CENPS: variants seen among roughly 807,000 people sequenced by gnomAD.
CENPS encodes centromere protein S.
In CENPS, 16 loss-of-function variants were observed where a neutral mutation model predicts 17.9. The observed-to-expected ratio is 0.90, with a 90% CI of 0.61 to 1.36. The LOEUF (loss-of-function observed/expected upper bound fraction) is 1.36. Among genes scored for constraint, CENPS ranks in the 40% most tolerant of loss-of-function variants. The pLI is 0.00. For missense variants in CENPS, 160 were observed against 158.6 expected, an observed-to-expected ratio of 1.01 and a Z score of -0.05; for synonymous variants, 49 against 55.8, an observed-to-expected ratio of 0.88 and a Z score of 0.54.
Position 10,430,491 on chromosome 1 carries a change from G to A in CENPS, c.-27G>A, listed in dbSNP as rs746721788. 22 of 1,536,024 alleles carry A rather than the reference G, an allele frequency of 1.4e-5. No individual in the cohort carries two copies. In the African/African-American group the frequency reaches 3.0e-4, roughly 21 times the overall value. Reference sequence around the variant, plus strand: ...ACCACCGCCCCTTCTCGGCCCTCCTGCGTTTGCCCAGGGTCGGCCCGCAGT... The same window carrying A: ...ACCACCGCCCCTTCTCGGCCCTCCTACGTTTGCCCAGGGTCGGCCCGCAGT... On this transcript the variant is annotated 5_prime_UTR_variant, in exon 1 of 5. Coordinates refer to ENST00000309048, the MANE Select transcript of CENPS (RefSeq NM_199294.3).
intron 1 of CENPS, 72 bp from the exon 2 acceptor site, chr1:10,433,770 C>A (rs1458913415): frequency 3.1e-6 from 5 of 1,601,394 alleles, no homozygotes; most frequent in Non-Finnish European, 4.3e-6. Context: ...TCTCCTTGGT[C>A]TTCATTTTTT....
intron 3 of CENPS, among the ~76,000 whole-genome samples, chr1:10,437,060 A>C (rs1484893719): frequency 6.6e-6 from 1 of 152,252 alleles, no homozygotes; most frequent in Non-Finnish European, 1.5e-5. Context: ...GACTGTTTCA[A>C]GTCAACTATA....
chr1:10,437,475 T>TTTTTTTTTTTTGTTTTG (rs71583869), intron 3 of CENPS, among the ~76,000 whole-genome samples: 4 of 145,966 alleles, frequency 2.7e-5, no homozygotes, highest in Non-Finnish European at 6.0e-5. Context: ...TTTTTGTTTT[T>TTTTTTTTTTTTGTTTTG]AGATGGAGTC....
At chr1:10,441,873 C>T (rs1161473472) in intron 4 of CENPS, among the ~76,000 whole-genome samples, 2 of 151,960 alleles carry the variant, frequency 1.3e-5, no homozygotes, top group African/African-American at 4.8e-5. Flanking sequence ...GATCTGTCTG[C>T]CTCAGCCTCC....
At chr1:10,431,778 C>T (rs933591027) in intron 1 of CENPS, among the ~76,000 whole-genome samples, 2 of 147,210 alleles carry the variant, frequency 1.4e-5, no homozygotes, top group East Asian at 2.0e-4. Context: ...CGCTTGAACC[C>T]GGGAGGCGGA....
At chr1:10,435,420 G>A (rs560479205) in intron 3 of CENPS, among the ~76,000 whole-genome samples, 5 of 151,904 alleles carry the variant, frequency 3.3e-5, no homozygotes, top group African/African-American at 7.2e-5. Flanking sequence ...TCTCGGGTGC[G>A]TGTTTTGAAT....
chr1:10,431,373 C>G, intron 1 of CENPS: 1 of 1,535,348 alleles, frequency 6.5e-7, no homozygotes, highest in Non-Finnish European at 8.7e-7. Context: ...TTGAGAAGTT[C>G]AAACCTTCAG....
intron 1 of CENPS, 182 bp downstream of exon 1, chr1:10,430,750 G>A (rs1639868818): frequency 1.5e-5 from 21 of 1,401,288 alleles, no homozygotes; most frequent in Non-Finnish European, 1.9e-5. Flanking sequence ...CCGCGGCAAC[G>A]CGGCTGGACC....
chr1:10,433,155 C>T (rs558982738), intron 1 of CENPS, among the ~76,000 whole-genome samples: 7 of 152,274 alleles, frequency 4.6e-5, no homozygotes, highest in East Asian at 3.9e-4. Context: ...TCTGTCGACA[C>T]GTGGCTGAGA....
chr1:10,440,540 T>C, intron 4 of CENPS, 127 bp downstream of exon 4: 1 of 1,235,906 alleles, frequency 8.1e-7, no homozygotes, highest in Non-Finnish European at 1.1e-6. Context: ...GGCTGAACCA[T>C]TCAGACCTGC....
In CENPS at chr1:10,440,398, G is replaced by A. The variant is rs202033280; in HGVS notation, c.261G>A (p.Arg87=). ...INTEDVKLLA[R]RSNSLLKYIT... The stretch of plus-strand genomic sequence containing the variant: ...CTGAAGATGTGAAGCTCTTAGCCAG[G>A]AGGAGTAATTCACTGGTGAGAGATG... The change falls in exon 4 of 5, where the codon AGG becomes AGA. Residue 87 remains arginine (R), a synonymous_variant. Transcript: ENST00000309048. 8.1e-6 allele frequency: 13 copies of A among 1,613,970 alleles called. No homozygotes were observed. Among genetic ancestry groups the A allele is most frequent in the Non-Finnish European group, 1.1e-5 (13 of 1,180,002 alleles).
chr1:10,441,340 G>A (rs1460210225), intron 4 of CENPS, among the ~76,000 whole-genome samples: 6 of 125,174 alleles, frequency 4.8e-5, no homozygotes, highest in East Asian at 2.4e-4. Context: ...TTTTTTTGAC[G>A]GGGTCTCACT....
In CENPS at chr1:10,435,716, TACACAC is replaced by T. The variant is rs60607643; in HGVS notation, c.209+1042_209+1047del. 3.5e-5 allele frequency among the ~76,000 whole-genome samples: 5 copies of T among 142,668 alleles called. No homozygotes were observed. The East Asian group carries it at 8.2e-4, about 23-fold the overall frequency. 93.6% of individuals were successfully genotyped at this position (142,668 alleles called of 152,430 possible). On this transcript the variant is annotated intron_variant, in intron 3 of 4. Coordinates refer to ENST00000309048, the MANE Select transcript of CENPS (RefSeq NM_199294.3). ...TACTTAAAAATAATATATATATATA[TACACAC>T]ACACACACACACACATATACATAAA...
chr1:10,432,645 G>A (rs1255502221), intron 1 of CENPS, among the ~76,000 whole-genome samples: 1 of 152,102 alleles, frequency 6.6e-6, no homozygotes, highest in Non-Finnish European at 1.5e-5. Context: ...AGGGGAGGAG[G>A]AGGAGGAGGA....
At chr1:10,436,192 G>A (rs1488455460) in intron 3 of CENPS, among the ~76,000 whole-genome samples, 4 of 151,106 alleles carry the variant, frequency 2.6e-5, no homozygotes, top group East Asian at 2.0e-4. Flanking sequence ...TGGCCAGGGC[G>A]GTCTTGAACT....
At position 10,436,738 on chromosome 1, in the gene CENPS, A is replaced by G. The variant is rs1171817397; in HGVS notation, c.209+2048A>G. ...AAAAAAAAAGAAAAGAAAAGAAAAAAAAAAGTTTGTGGAAACGCTTTGTCT... is the reference window on the plus strand; with the variant it reads ...AAAAAAAAAGAAAAGAAAAGAAAAAGAAAAGTTTGTGGAAACGCTTTGTCT... On this transcript the variant is annotated intron_variant, in intron 3 of 4. Coordinates refer to ENST00000309048, the MANE Select transcript of CENPS (RefSeq NM_199294.3). 2.6e-5 allele frequency among the ~76,000 whole-genome samples: 4 copies of G among 151,014 alleles called. No individual in the cohort carries two copies. The East Asian group carries it at 7.8e-4, about 29-fold the overall frequency.
rs1264116519 is a variant in CENPS, at chr1:10,433,946, G to A, written c.156G>A (p.Glu52=). ...AACAGACCATTGCGGCCATTTCGGA[G>A]CTGACTTTCCGACAGTGTGGTATGA... The part of the protein sequence containing the change: ...FSKQTIAAIS[E]LTFRQCENFA... The change falls in exon 2 of 5, where the codon GAG becomes GAA. Residue 52 remains glutamate, a synonymous_variant. Coordinates refer to ENST00000309048, the MANE Select transcript of CENPS (RefSeq NM_199294.3). 7 of 1,614,078 alleles carry A rather than the reference G, an allele frequency of 4.3e-6. No homozygotes were observed. The highest frequency in any genetic ancestry group is 5.9e-6 in the Non-Finnish European group (7 of 1,180,044).
intron 1 of CENPS, among the ~76,000 whole-genome samples, chr1:10,431,857 A>G (rs1639934539): frequency 1.6e-5 from 1 of 62,226 alleles, no homozygotes; most frequent in African/African-American, 9.7e-5. Context: ...CCATCTCAGA[A>G]AAAAAAAAAA....
At chr1:10,433,562 G>A (rs539598563) in intron 1 of CENPS, among the ~76,000 whole-genome samples, 20 of 152,338 alleles carry the variant, frequency 1.3e-4, no homozygotes, top group African/African-American at 4.8e-4. Flanking sequence ...CAGGGCCTTG[G>A]CAGGCATCAG....
Sources: gnomAD v4.1 joint callset for allele counts (sites outside exome capture counted in the v4.1 genomes callset) on GRCh38, gnomAD v4.1.1 for gene constraint, MANE v1.5 for transcripts, NCBI Gene and HGNC (gene_info 2026-07-23, HGNC 2026-07-21) for gene names.